SYT1: variants seen among roughly 807,000 people sequenced by gnomAD.
SYT1 encodes synaptotagmin-1.
SYT1 carries 8 observed loss-of-function variants against 44.8 expected under a neutral mutation model. The observed-to-expected ratio is 0.18, with a 90% CI of 0.10 to 0.32. The LOEUF is 0.32. Among genes scored for constraint, SYT1 ranks in the 10% least tolerant of loss-of-function variants. SYT1 has a pLI of 1.00. For missense variants in SYT1, 286 were observed against 509.3 expected (o/e 0.56, Z 4.22); for synonymous variants, 154 against 188.8 (o/e 0.82, Z 1.51).
At chr12:79,239,560 C>T (rs924758237) in intron 4 of SYT1, among the ~76,000 whole-genome samples, 3 of 152,174 alleles carry the variant, frequency 2.0e-5, no homozygotes, top group African/African-American at 7.2e-5. Context: ...TATGAGAAAT[C>T]TCTGTACAGT....
At chr12:79,056,170 A>T (rs148421702) in intron 3 of SYT1, among the ~76,000 whole-genome samples, 309 of 152,132 alleles carry the variant, frequency 2.0e-3, no homozygotes, top group Middle Eastern at 6.8e-3. Context: ...TGCATTTCTC[A>T]GGATGTACCC....
intron 1 of SYT1, among the ~76,000 whole-genome samples, chr12:78,913,500 A>T (rs759718947): frequency 2.0e-5 from 3 of 151,792 alleles, no homozygotes; most frequent in Non-Finnish European, 4.4e-5. Context: ...ATGCTTCAAA[A>T]ATGCTTTAGT....
chr12:78,952,464 T>C (rs1879016953), intron 1 of SYT1, among the ~76,000 whole-genome samples: 1 of 152,148 alleles, frequency 6.6e-6, no homozygotes, highest in African/African-American at 2.4e-5. Flanking sequence ...TTGGGTTCTA[T>C]TGTACTATAA....
At chr12:79,426,286 G>T (rs2136167899) in intron 9 of SYT1, among the ~76,000 whole-genome samples, 1 of 152,138 alleles carries the variant, frequency 6.6e-6, no homozygotes, top group East Asian at 1.9e-4. Context: ...TTCACTCCTA[G>T]AAATGATAGT....
intron 3 of SYT1, among the ~76,000 whole-genome samples, chr12:79,205,032 T>C (rs1459104885): frequency 1.4e-5 from 2 of 147,350 alleles, no homozygotes; most frequent in Non-Finnish European, 3.0e-5. Context: ...TGGTGCAATC[T>C]CGGCTCACTG....
At chr12:79,138,969 G>A (rs974383984) in intron 3 of SYT1, among the ~76,000 whole-genome samples, 4 of 152,138 alleles carry the variant, frequency 2.6e-5, no homozygotes, top group African/African-American at 7.2e-5. Context: ...ATTTCCTGAT[G>A]AACAAAACCT....
At chr12:79,020,800 C>A (rs1048617434) in intron 2 of SYT1, among the ~76,000 whole-genome samples, 6 of 151,826 alleles carry the variant, frequency 4.0e-5, no homozygotes, top group Non-Finnish European at 8.8e-5. Context: ...TTTGAAGAAA[C>A]CTGTGGTGTT....
chr12:78,906,955 T>C (rs1876022210), intron 1 of SYT1, among the ~76,000 whole-genome samples: 1 of 152,154 alleles, frequency 6.6e-6, no homozygotes, highest in Non-Finnish European at 1.5e-5. Context: ...GGCACTTTAA[T>C]AATACCTACT....
chr12:79,337,390 C>G (rs1271816682), intron 8 of SYT1, among the ~76,000 whole-genome samples: 4 of 152,098 alleles, frequency 2.6e-5, no homozygotes, highest in Non-Finnish European at 5.9e-5. Flanking sequence ...ATACTATTGT[C>G]CCAGAACTAA....
At chr12:79,085,297 T>C (rs761221637) in intron 3 of SYT1, among the ~76,000 whole-genome samples, 2 of 152,184 alleles carry the variant, frequency 1.3e-5, no homozygotes, top group Non-Finnish European at 2.9e-5. Flanking sequence ...AATTTTCCAC[T>C]TGTGGCGTCA....
At chr12:79,122,621 C>T (rs1439859596) in intron 3 of SYT1, among the ~76,000 whole-genome samples, 2 of 150,648 alleles carry the variant, frequency 1.3e-5, no homozygotes, top group African/African-American at 4.9e-5. Context: ...TGGAATATAC[C>T]TAATTCAGAT....
chr12:79,067,121 C>T (rs1875925631), intron 3 of SYT1, among the ~76,000 whole-genome samples: 2 of 152,090 alleles, frequency 1.3e-5, no homozygotes, highest in South Asian at 2.1e-4. Context: ...TGAGATTCTC[C>T]CCCAGCTTAC....
intron 9 of SYT1, among the ~76,000 whole-genome samples, chr12:79,432,369 C>T (rs971407211): frequency 9.9e-5 from 15 of 152,024 alleles, no homozygotes; most frequent in Non-Finnish European, 1.9e-4. Flanking sequence ...CCCTGCCCCC[C>T]AACCCCACAA....
At chr12:79,307,637 T>TG (rs545660437) in intron 8 of SYT1, among the ~76,000 whole-genome samples, 1,252 of 14,032 alleles carry the variant, frequency 0.089, 13 homozygotes, top group Admixed American at 0.2. Context: ...TGGGGGGGCG[T>TG]GGGGGGGGGC....
At chr12:78,876,817 T>TAA (rs372012277) in intron 1 of SYT1, among the ~76,000 whole-genome samples, 15 of 30,306 alleles carry the variant, frequency 4.9e-4, no homozygotes, top group Non-Finnish European at 7.3e-4. Context: ...GTAATACATA[T>TAA]CATATATTAT....
intron 2 of SYT1, among the ~76,000 whole-genome samples, chr12:79,018,442 T>C (rs113490009): frequency 0.074 from 11,199 of 151,988 alleles, 514 homozygotes; most frequent in East Asian, 0.15. Flanking sequence ...TGTATACATA[T>C]GTAACAAACC....
At chr12:78,977,987 C>T (rs2137424591) in intron 2 of SYT1, 56 bp downstream of exon 2, 1 of 152,290 alleles carries the variant, frequency 6.6e-6, no homozygotes, top group African/African-American at 2.4e-5. Context: ...CCTCCTTTAT[C>T]CATCCATATC....
At chr12:79,005,521 TTAGA>T (rs1222190401) in intron 2 of SYT1, among the ~76,000 whole-genome samples, 3 of 152,182 alleles carry the variant, frequency 2.0e-5, no homozygotes, top group Admixed American at 6.6e-5. Context: ...ATGTATTAAA[TTAGA>T]TAGTATATGT....
At chr12:79,259,882 G>A (rs904129329) in intron 4 of SYT1, among the ~76,000 whole-genome samples, 2 of 152,194 alleles carry the variant, frequency 1.3e-5, no homozygotes, top group Admixed American at 6.5e-5. Flanking sequence ...AGCAAAACTT[G>A]CTGAGTATGA....
Sources: gnomAD v4.1 joint callset for allele counts (sites outside exome capture counted in the v4.1 genomes callset) on GRCh38, gnomAD v4.1.1 for gene constraint, MANE v1.5 for transcripts, NCBI Gene and HGNC (gene_info 2026-07-23, HGNC 2026-07-21) for gene names.